The following ST18 variants were observed in gnomAD, a reference collection of about 807,000 sequenced individuals.
The protein encoded by ST18 is suppression of tumorigenicity 18 protein.
A neutral mutation model predicts 110.0 loss-of-function variants in ST18; 50 were observed. The ratio of observed to expected loss-of-function variants is 0.45; its 90% confidence interval spans 0.36 to 0.58. The LOEUF (loss-of-function observed/expected upper bound fraction) is 0.58, where lower values mean the gene tolerates loss of function less well. Ranked by LOEUF, ST18 falls within the 20% of genes least tolerant of loss-of-function variation. ST18 has a pLI of 0.00. For synonymous variants in ST18, 461 were observed against 452.4 expected, an observed-to-expected ratio of 1.02 and a Z score of -0.24; for missense variants, 1,306 against 1,280.1, an observed-to-expected ratio of 1.02 and a Z score of -0.31.
Position 52,171,776 on chromosome 8 carries a change from C to CA in ST18, c.1069+15dup. On this transcript the variant is annotated intron_variant, in intron 10 of 25. Coordinates refer to ENST00000689386, the MANE Select transcript of ST18 (RefSeq NM_001352837.2). ...TGCACTTTTATTCCTAAAATAAATGCAAAAATGTGTCTTACGTTTATTGTT... is the reference window on the plus strand; with the variant it reads ...TGCACTTTTATTCCTAAAATAAATGCAAAAAATGTGTCTTACGTTTATTGTT... 1.2e-6 allele frequency: 2 copies of CA among 1,601,548 alleles called. No individual in the cohort carries two copies. Among genetic ancestry groups the CA allele is most frequent in the Non-Finnish European group, 1.7e-6 (2 of 1,173,664 alleles).
chr8:52,273,281 C>T (rs1273113142), intron 2 of ST18, among the ~76,000 whole-genome samples: 1 of 152,186 alleles, frequency 6.6e-6, no homozygotes, highest in Non-Finnish European at 1.5e-5. Flanking sequence ...CCAAATTATA[C>T]TCACGTGTGG....
intron 2 of ST18, among the ~76,000 whole-genome samples, chr8:52,378,954 T>C (rs771724606): frequency 5.3e-5 from 8 of 152,204 alleles, no homozygotes; most frequent in Non-Finnish European, 1.0e-4. Context: ...GCAATGATTC[T>C]GCATCCCTCA....
At chr8:52,133,348 G>C (rs189909314) in intron 19 of ST18, 47 bp from the exon 20 acceptor site, 2 of 1,607,886 alleles carry the variant, frequency 1.2e-6, no homozygotes, top group Non-Finnish European at 1.7e-6. Context: ...TGTAGTTGGG[G>C]GAGTGGGGGT....
chr8:52,262,262 A>G (rs968652746), intron 2 of ST18, among the ~76,000 whole-genome samples: 2 of 152,216 alleles, frequency 1.3e-5, no homozygotes, highest in Non-Finnish European at 2.9e-5. Flanking sequence ...CTCAACTATC[A>G]TCACCATCAC....
chr8:52,293,938 C>T (rs1358807534), intron 2 of ST18, among the ~76,000 whole-genome samples: 3 of 152,132 alleles, frequency 2.0e-5, no homozygotes, highest in Admixed American at 1.3e-4. Flanking sequence ...CATTTAAGTT[C>T]AGATTCAAGT....
intron 21 of ST18, 140 bp downstream of exon 21, chr8:52,132,917 A>C: frequency 1.1e-6 from 1 of 932,158 alleles, no homozygotes; most frequent in African/African-American, 1.6e-5. Context: ...CAAACCACCA[A>C]ATAGTTTGAC....
chr8:52,319,376 T>C (rs1029663676), intron 2 of ST18, among the ~76,000 whole-genome samples: 2 of 152,180 alleles, frequency 1.3e-5, no homozygotes, highest in Admixed American at 6.5e-5. Context: ...ATCTGAGAAA[T>C]GTCTGTTGTG....
intron 2 of ST18, among the ~76,000 whole-genome samples, chr8:52,402,817 C>T (rs918976878): frequency 3.3e-5 from 5 of 152,128 alleles, no homozygotes; most frequent in African/African-American, 7.2e-5. Flanking sequence ...AGGTGGGGCA[C>T]GGCAGCTGTT....
chr8:52,239,936 A>G (rs1216010154), intron 2 of ST18, among the ~76,000 whole-genome samples: 1 of 151,978 alleles, frequency 6.6e-6, no homozygotes, highest in Non-Finnish European at 1.5e-5. Context: ...TGGGACCACA[A>G]GCAGATGCCA....
At chr8:52,171,711 GA>G (rs1487225269) in intron 10 of ST18, 80 bp downstream of exon 10, 7 of 1,492,580 alleles carry the variant, frequency 4.7e-6, no homozygotes, top group Non-Finnish European at 5.5e-6. Context: ...AAAGCTACCT[GA>G]AAAAAATAAT....
chr8:52,246,294 C>T (rs2093842674), intron 2 of ST18, among the ~76,000 whole-genome samples: 2 of 151,772 alleles, frequency 1.3e-5, no homozygotes, highest in African/African-American at 4.8e-5. Context: ...AAGAAACAAT[C>T]TAAGCCAAAA....
intron 25 of ST18, 96 bp from the exon 26 acceptor site, chr8:52,113,434 G>A (rs1341711919): frequency 2.7e-6 from 4 of 1,461,264 alleles, no homozygotes; most frequent in Non-Finnish European, 3.7e-6. Context: ...TCCGGGAGTC[G>A]GGAGGGAAGG....
chr8:52,326,407 T>C (rs1806443216), intron 2 of ST18, among the ~76,000 whole-genome samples: 1 of 152,146 alleles, frequency 6.6e-6, no homozygotes, highest in Admixed American at 6.5e-5. Context: ...TGGTGTGACC[T>C]TTGGTTTAGT....
chr8:52,295,963 G>A (rs976027503), intron 2 of ST18, among the ~76,000 whole-genome samples: 1 of 151,786 alleles, frequency 6.6e-6, no homozygotes. Context: ...GGGATGAGTG[G>A]TGGCAGCCAG....
intron 2 of ST18, among the ~76,000 whole-genome samples, chr8:52,323,393 G>C (rs1161132706): frequency 6.6e-6 from 1 of 152,216 alleles, no homozygotes; most frequent in East Asian, 1.9e-4. Flanking sequence ...CTCCTTGAAA[G>C]AGGCAGCTAA....
chr8:52,402,975 C>T (rs1434058990), intron 2 of ST18, among the ~76,000 whole-genome samples: 1 of 152,116 alleles, frequency 6.6e-6, no homozygotes, highest in African/African-American at 2.4e-5. Context: ...GGCTTGGATA[C>T]CAGGGATGTA....
At chr8:52,379,751 A>T (rs1202838126) in intron 2 of ST18, among the ~76,000 whole-genome samples, 1 of 152,234 alleles carries the variant, frequency 6.6e-6, no homozygotes, top group Non-Finnish European at 1.5e-5. Context: ...ATATACTTAC[A>T]GACCATACAT....
intron 23 of ST18, among the ~76,000 whole-genome samples, chr8:52,121,992 TACG>T (rs2045048959): frequency 1.3e-5 from 2 of 151,944 alleles, no homozygotes; most frequent in South Asian, 4.2e-4. Flanking sequence ...ACTACAGGCG[TACG>T]CCACCATGCC....
At chr8:52,390,192 G>A (rs1838822999) in intron 2 of ST18, among the ~76,000 whole-genome samples, 1 of 152,164 alleles carries the variant, frequency 6.6e-6, no homozygotes, top group South Asian at 2.1e-4. Flanking sequence ...TGGAGTCAAT[G>A]TCTTCGGGCT....
Sources: gnomAD v4.1 joint callset for allele counts (sites outside exome capture counted in the v4.1 genomes callset) on GRCh38, gnomAD v4.1.1 for gene constraint, MANE v1.5 for transcripts, NCBI Gene and HGNC (gene_info 2026-07-23, HGNC 2026-07-21) for gene names.